The following GPRASP3 variants were observed in gnomAD, a reference collection of about 807,000 sequenced individuals.
GPRASP3 encodes G protein-coupled receptor associated sorting protein 3.
the GPRASP3 span, among the ~76,000 whole-genome samples, chrX:102,736,809 A>G: frequency 1.8e-5 from 2 of 111,703 alleles, no homozygotes; most frequent in African/African-American, 6.5e-5. Context: ...TATATTTCCT[A>G]CCTGGTTATT....
At chrX:102,739,326 C>T in the GPRASP3 span, among the ~76,000 whole-genome samples, 17 of 111,148 alleles carry the variant, frequency 1.5e-4, no homozygotes, top group Admixed American at 4.8e-4. Context: ...ACTGCCACAG[C>T]GGCTGGACTT....
chrX:102,739,665 G>A, the GPRASP3 span, among the ~76,000 whole-genome samples: 3 of 111,428 alleles, frequency 2.7e-5, no homozygotes, highest in African/African-American at 6.5e-5. Flanking sequence ...CAGACAAGCC[G>A]CTTTTAAAAG....
the GPRASP3 span, among the ~76,000 whole-genome samples, chrX:102,731,975 A>G: frequency 5.3e-5 from 6 of 112,270 alleles, no homozygotes; most frequent in African/African-American, 1.9e-4. Context: ...TCCGCATTCA[A>G]TTAACACTTT....
At chrX:102,740,217 C>T in the GPRASP3 span, among the ~76,000 whole-genome samples, 8,727 of 111,197 alleles carry the variant, frequency 0.078, 322 homozygotes, top group East Asian at 0.21. Flanking sequence ...TTCCCACCCC[C>T]GCAAGCCACC....
the GPRASP3 span, among the ~76,000 whole-genome samples, chrX:102,736,254 A>T: frequency 3.6e-5 from 4 of 112,387 alleles, no homozygotes; most frequent in Non-Finnish European, 7.5e-5. Context: ...TTTATTTCCC[A>T]AAGATTATTT....
chrX:102,744,093 T>G, the GPRASP3 span, among the ~76,000 whole-genome samples: 1 of 111,630 alleles, frequency 9.0e-6, no homozygotes, highest in Non-Finnish European at 1.9e-5. Flanking sequence ...TCATTTAAAC[T>G]GTAAAGTAAA....
chrX:102,722,312 A>G, the GPRASP3 span, among the ~76,000 whole-genome samples: 1 of 112,096 alleles, frequency 8.9e-6, no homozygotes, highest in Non-Finnish European at 1.9e-5. Context: ...TAAAGGATAT[A>G]AATCAAAAGC....
chrX:102,730,302 C>T, the GPRASP3 span, among the ~76,000 whole-genome samples: 15 of 111,484 alleles, frequency 1.3e-4, no homozygotes, highest in African/African-American at 4.6e-4. Context: ...GGAGCTCAGG[C>T]GGCAATGAAA....
chrX:102,730,647 G>A, the GPRASP3 span, among the ~76,000 whole-genome samples: 10 of 111,773 alleles, frequency 8.9e-5, no homozygotes, highest in East Asian at 2.3e-3. Flanking sequence ...TAGAGGGGAA[G>A]AGGGAGGGTA....
At chrX:102,752,522 T>C in the GPRASP3 span, 10 of 123,665 alleles carry the variant, frequency 8.1e-5, no homozygotes, top group Admixed American at 9.5e-4. Flanking sequence ...TCTCATAACA[T>C]ACAATATACA....
At chrX:102,722,496 A>T in the GPRASP3 span, among the ~76,000 whole-genome samples, 3 of 111,883 alleles carry the variant, frequency 2.7e-5, no homozygotes, top group Non-Finnish European at 5.6e-5. Context: ...TGATTGATGA[A>T]ATCATTGACC....
chrX:102,737,498 T>C, the GPRASP3 span, among the ~76,000 whole-genome samples: 1 of 111,622 alleles, frequency 9.0e-6, no homozygotes, highest in Non-Finnish European at 1.9e-5. Context: ...AGAGAATACA[T>C]TGATTTCTAC....
chrX:102,747,481 G>A, the GPRASP3 span: 1 of 111,882 alleles, frequency 8.9e-6, no homozygotes, highest in African/African-American at 3.3e-5. Context: ...GACATGCACA[G>A]ATGGTATTAA....
the GPRASP3 span, among the ~76,000 whole-genome samples, chrX:102,732,831 G>C: frequency 9.0e-6 from 1 of 111,535 alleles, no homozygotes; most frequent in African/African-American, 3.3e-5. Context: ...GCTCACCCAT[G>C]GGTTTGTACC....
chrX:102,746,402 TGGA>T, the GPRASP3 span, among the ~76,000 whole-genome samples: 1 of 112,763 alleles, frequency 8.9e-6, no homozygotes, highest in Non-Finnish European at 1.9e-5. Context: ...TCAGATCGTC[TGGA>T]GGAGAACCGC....
At chrX:102,750,600 C>G in the GPRASP3 span, 1 of 1,177,080 alleles carries the variant, frequency 8.5e-7, no homozygotes, top group Non-Finnish European at 1.1e-6. Flanking sequence ...CACTCATGGC[C>G]ATTTTCAGGG....
At chrX:102,722,695 G>A in the GPRASP3 span, among the ~76,000 whole-genome samples, 5 of 111,641 alleles carry the variant, frequency 4.5e-5, no homozygotes, top group Admixed American at 4.8e-4. Context: ...GATTCCAAGG[G>A]TCTTAGTGTC....
chrX:102,748,344 T>C, the GPRASP3 span, among the ~76,000 whole-genome samples: 5 of 111,521 alleles, frequency 4.5e-5, no homozygotes, highest in South Asian at 1.9e-3. Context: ...TCAGTGCAGG[T>C]TGGTGTGAGT....
the GPRASP3 span, among the ~76,000 whole-genome samples, chrX:102,736,136 T>G: frequency 8.9e-6 from 1 of 112,101 alleles, no homozygotes; most frequent in African/African-American, 3.2e-5. Flanking sequence ...AAGAAGCAGT[T>G]TATGACCTTA....
Sources: gnomAD v4.1 joint callset for allele counts (sites outside exome capture counted in the v4.1 genomes callset) on GRCh38, gnomAD v4.1.1 for gene constraint, MANE v1.5 for transcripts, NCBI Gene and HGNC (gene_info 2026-07-23, HGNC 2026-07-21) for gene names.